RYR3: variants seen among roughly 807,000 people sequenced by gnomAD.
The protein encoded by RYR3 is ryanodine receptor 3.
Under a neutral mutation model 584.3 loss-of-function variants are expected in RYR3, and 207 were observed. The observed-to-expected ratio is 0.35, with a 90% CI of 0.32 to 0.40. RYR3 has a LOEUF of 0.40. Ranked by LOEUF, RYR3 falls within the 10% of genes least tolerant of loss-of-function variation. The probability of loss-of-function intolerance (pLI) is 1.00; values close to 1 mark genes in which losing one functional copy is unlikely to be tolerated. For missense variants in RYR3, 5,616 were observed against 6,089.2 expected (o/e 0.92, Z 2.59); for synonymous variants, 2,416 against 2,248.5 (o/e 1.07, Z -2.11).
intron 38 of RYR3, among the ~76,000 whole-genome samples, chr15:33,685,676 G>C (rs1275455442): frequency 6.6e-6 from 1 of 152,084 alleles, no homozygotes; most frequent in Non-Finnish European, 1.5e-5. Flanking sequence ...TTCCAAAAGT[G>C]ACCACATAAT....
rs190924606 is a variant in RYR3, at chr15:33,677,776, C to T, written c.5860+7220C>T. Among the ~76,000 whole-genome samples the T allele has an allele frequency of 2.9e-3, 448 of 152,198 alleles. 3 individuals are homozygous for T. The highest frequency in any genetic ancestry group is 0.01 in the African/African-American group (419 of 41,502). Reference sequence around the variant, plus strand: ...TCTGCTCAAGGTAGAAAACCACAGACGGAGGGAAATTTAGAAACAGATTTA... The same window carrying T: ...TCTGCTCAAGGTAGAAAACCACAGATGGAGGGAAATTTAGAAACAGATTTA... On this transcript the variant is annotated intron_variant, in intron 38 of 103. Coordinates refer to ENST00000634891, the MANE Select transcript of RYR3 (RefSeq NM_001036.6).
chr15:33,366,146 C>T (rs893179835), intron 1 of RYR3, among the ~76,000 whole-genome samples: 7 of 147,086 alleles, frequency 4.8e-5, no homozygotes, highest in Non-Finnish European at 8.9e-5. Flanking sequence ...TCTGTTTTCT[C>T]CTGTTTCTGC....
At chr15:33,641,679 C>T (rs1167023525) in intron 27 of RYR3, among the ~76,000 whole-genome samples, 2 of 152,180 alleles carry the variant, frequency 1.3e-5, no homozygotes, top group Non-Finnish European at 2.9e-5. Flanking sequence ...TTAGATTTAG[C>T]TGTTCTGCTG....
intron 81 of RYR3, among the ~76,000 whole-genome samples, chr15:33,824,358 T>A (rs572386101): frequency 5.7e-4 from 87 of 152,316 alleles, no homozygotes; most frequent in African/African-American, 1.7e-3. Context: ...TTTTTAAAAA[T>A]TTAAGCAGTA....
At chr15:33,581,734 C>G in intron 14 of RYR3, 91 bp downstream of exon 14, 3 of 1,143,800 alleles carry the variant, frequency 2.6e-6, no homozygotes, top group Non-Finnish European at 2.6e-6. Context: ...GCCATTAACC[C>G]TGTGATACTT....
rs770075193 is a variant in RYR3, at chr15:33,841,909, A to G, written c.13083A>G (p.Gln4361=). Residue 4361 remains glutamine, a synonymous_variant, in exon 91 of 104, where the codon CAA becomes CAG. Coordinates refer to ENST00000634891, the MANE Select transcript of RYR3 (RefSeq NM_001036.6). ...AAGACAAAGACAAAGAAGAGGAGCAAGCTGAGTACCTGTGGACAGAAGTGA... is the reference window on the plus strand; with the variant it reads ...AAGACAAAGACAAAGAAGAGGAGCAGGCTGAGTACCTGTGGACAGAAGTGA... ...EKEDKDKEEE[Q]AEYLWTEVTK... 11 of 1,597,326 alleles carry G rather than the reference A, an allele frequency of 6.9e-6. No homozygotes were observed. The Admixed American group carries it at 1.9e-4, about 28-fold the overall frequency.
chr15:33,744,751 G>T (rs1042150738), intron 52 of RYR3, among the ~76,000 whole-genome samples: 3 of 152,206 alleles, frequency 2.0e-5, no homozygotes, highest in African/African-American at 4.8e-5. Flanking sequence ...AGGGAACCAT[G>T]GTTCAGTATA....
intron 99 of RYR3, chr15:33,858,134 A>G: frequency 1.7e-6 from 1 of 596,732 alleles, no homozygotes; most frequent in South Asian, 2.3e-5. Context: ...CCACACATCT[A>G]AGCCCCGTGG....
chr15:33,508,933 TA>T (rs1254538107), intron 3 of RYR3, among the ~76,000 whole-genome samples: 1 of 152,208 alleles, frequency 6.6e-6, no homozygotes, highest in Admixed American at 6.5e-5. Flanking sequence ...CTGTGACTGC[TA>T]GGGGTTGTCT....
At chr15:33,376,399 C>T (rs971967900) in intron 1 of RYR3, among the ~76,000 whole-genome samples, 2 of 152,180 alleles carry the variant, frequency 1.3e-5, no homozygotes, top group South Asian at 2.1e-4. Flanking sequence ...CTGTTTATTG[C>T]TGTCATGACT....
chr15:33,471,038 A>G lies in RYR3; in HGVS notation c.52-2381A>G, dbSNP rs114916022. ...CAAGAGGAGTAATCAGATGGGTTGA[A>G]TTAACTCATCTCATAATCCCAAACA... On this transcript the variant is annotated intron_variant, in intron 1 of 103. Transcript: ENST00000634891. Among the ~76,000 whole-genome samples, 698 of 152,330 alleles carry G rather than the reference A, an allele frequency of 4.6e-3. 2 individuals carry two copies. The highest frequency in any genetic ancestry group is 0.017 in the Middle Eastern group (5 of 294).
chr15:33,818,519 C>T, intron 75 of RYR3, 59 bp from the exon 76 acceptor site: 1 of 1,272,992 alleles, frequency 7.9e-7, no homozygotes, highest in Non-Finnish European at 1.1e-6. Flanking sequence ...GTTCGCATGC[C>T]AGTCACGTGG....
At chr15:33,839,417 C>T (rs751358803) in intron 89 of RYR3, among the ~76,000 whole-genome samples, 4 of 152,142 alleles carry the variant, frequency 2.6e-5, no homozygotes, top group Non-Finnish European at 4.4e-5. Context: ...ACATTTTTAT[C>T]CTTGTGATAC....
intron 1 of RYR3, among the ~76,000 whole-genome samples, chr15:33,464,095 A>G (rs1034797305): frequency 6.6e-6 from 1 of 152,048 alleles, no homozygotes; most frequent in African/African-American, 2.4e-5. Context: ...ACAGAATCAT[A>G]TGCATGAAGG....
intron 65 of RYR3, among the ~76,000 whole-genome samples, chr15:33,781,859 AG>A (rs1315417157): frequency 0.014 from 1,793 of 126,772 alleles, 23 homozygotes; most frequent in African/African-American, 0.047. Flanking sequence ...AAAAAAAAAA[AG>A]GGGGGGGGGA....
chr15:33,737,669 A>C (rs1183107176), intron 49 of RYR3, among the ~76,000 whole-genome samples: 2 of 152,304 alleles, frequency 1.3e-5, no homozygotes, highest in South Asian at 2.1e-4. Context: ...TTCATCTCAA[A>C]AAAATACTTT....
intron 99 of RYR3, chr15:33,858,163 C>T (rs1041632337): frequency 3.5e-5 from 16 of 460,140 alleles, no homozygotes; most frequent in Admixed American, 3.3e-4. Flanking sequence ...GCACCCTGCA[C>T]AGTGGCGTCA....
intron 27 of RYR3, among the ~76,000 whole-genome samples, chr15:33,637,752 A>G (rs1426550200): frequency 1.3e-5 from 2 of 152,130 alleles, no homozygotes; most frequent in Admixed American, 1.3e-4. Context: ...TTTTTTTCAG[A>G]CACCTATTGT....
At chr15:33,629,754 C>T (rs2061176359) in intron 21 of RYR3, 186 bp from the exon 22 acceptor site, 1 of 497,312 alleles carries the variant, frequency 2.0e-6, no homozygotes, top group Non-Finnish European at 3.5e-6. Flanking sequence ...AAACCACTGG[C>T]AACTTGGAGA....
Sources: allele counts gnomAD v4.1 joint callset (sites outside exome capture counted in the v4.1 genomes callset), GRCh38; gene constraint gnomAD v4.1.1; transcripts MANE v1.5; gene names NCBI Gene and HGNC (gene_info 2026-07-23, HGNC 2026-07-21).